Variants in TLCD3B observed in about 807,000 individuals in gnomAD.
TLCD3B encodes TLC domain containing 3B.
TLCD3B carries 9 observed loss-of-function variants against 23.0 expected under a neutral mutation model. The observed-to-expected ratio is 0.39, with a 90% CI of 0.24 to 0.68. The LOEUF (loss-of-function observed/expected upper bound fraction) is 0.68, where lower values mean the gene tolerates loss of function less well. Among genes scored for constraint, TLCD3B ranks in the 30% least tolerant of loss-of-function variants. The pLI is 0.44. For synonymous variants in TLCD3B, 161 were observed against 161.0 expected (o/e 1.00, Z 0.00); for missense variants, 307 against 371.8 (o/e 0.83, Z 1.43).
chr16:30,035,625 C>T (rs1017942734), upstream of TLCD3B: 3 of 653,864 alleles, frequency 4.6e-6, no homozygotes, highest in South Asian at 2.0e-5. Context: ...ACCAGGCAAA[C>T]CTCTTCTCTA....
chr16:30,034,817 G>A (rs2071435720), upstream of TLCD3B, among the ~76,000 whole-genome samples: 3 of 152,072 alleles, frequency 2.0e-5, no homozygotes, highest in Admixed American at 2.0e-4. Context: ...GGAAAGTGGG[G>A]TGTTATTATT....
chr16:30,024,697 T>C lies in TLCD3B; in HGVS notation c.*486A>G, dbSNP rs1017299634. The C allele has an allele frequency of 1.1e-5, 2 of 180,560 alleles. No homozygotes were observed. Among genetic ancestry groups the C allele is most frequent in the Non-Finnish European group, 2.3e-5 (2 of 87,732 alleles). 11.2% of individuals were successfully genotyped at this position (180,560 alleles called of 1,614,324 possible). On this transcript the variant is annotated 3_prime_UTR_variant, in exon 5 of 5. Coordinates refer to ENST00000380495, the MANE Select transcript of TLCD3B (RefSeq NM_031478.6). ...GGGTAAATAAATAAAATAAATAAGATTCCTCAAGCTGGCCTACCCTGGAGA... is the reference window on the plus strand; with the variant it reads ...GGGTAAATAAATAAAATAAATAAGACTCCTCAAGCTGGCCTACCCTGGAGA...
chr16:30,032,067 C>G (rs1038382940), upstream of TLCD3B, among the ~76,000 whole-genome samples: 3 of 152,186 alleles, frequency 2.0e-5, no homozygotes, highest in African/African-American at 7.2e-5. Flanking sequence ...TACTAGCTCC[C>G]CTTTCTCTGC....
chr16:30,037,304 A>G (rs1344998471), intron 3 of TLCD3B, among the ~76,000 whole-genome samples: 1 of 151,770 alleles, frequency 6.6e-6, no homozygotes, highest in African/African-American at 2.4e-5. Context: ...GCACTTTGGG[A>G]GGCCGAGGCG....
At chr16:30,036,091 C>T (rs2071467460), upstream of TLCD3B, 1 of 1,222,176 alleles carries the variant, frequency 8.2e-7, no homozygotes, top group African/African-American at 1.6e-5. Context: ...CACCATTTTC[C>T]ATCTTCTGCA....
At chr16:30,032,481 T>C (rs901696197), upstream of TLCD3B, among the ~76,000 whole-genome samples, 45 of 151,816 alleles carry the variant, frequency 3.0e-4, no homozygotes, top group Non-Finnish European at 1.9e-4. Context: ...GTAGAGACAA[T>C]AGCGGACCTA....
intron 2 of TLCD3B, among the ~76,000 whole-genome samples, chr16:30,045,944 A>G (rs2071667458): frequency 6.6e-6 from 1 of 151,952 alleles, no homozygotes; most frequent in Non-Finnish European, 1.5e-5. Flanking sequence ...CCTCCTCTCT[A>G]CAAAAAGTCA....
chr16:30,027,118 A>C, intron 2 of TLCD3B: 1 of 555,716 alleles, frequency 1.8e-6, no homozygotes, highest in Non-Finnish European at 3.4e-6. Flanking sequence ...AGACCAGAAG[A>C]TGCCCACAGA....
rs867541713 is a variant in TLCD3B at position 30,030,215 on chromosome 16, G to C, written c.125+188C>G. The C allele has an allele frequency of 1.5e-5, 19 of 1,252,032 alleles. 1 individual carries two copies. In the Middle Eastern group the frequency reaches 2.4e-3, roughly 159 times the overall value. The allele number at this position is 1,252,032 out of a possible 1,614,324, so 77.6% of individuals were successfully genotyped here. A position where few individuals can be genotyped will look rare whatever the true frequency, so the allele number is the denominator to read the frequency against. On this transcript the variant is annotated intron_variant, in intron 1 of 4. Transcript: ENST00000380495. ...ACTAGTAGACCAGATGGCCGGGCTGGATGAGGTCTCCCAGAACAGTGAGCA... is the reference window on the plus strand; with the variant it reads ...ACTAGTAGACCAGATGGCCGGGCTGCATGAGGTCTCCCAGAACAGTGAGCA...
chr16:30,043,378 C>T (rs748561774), intron 2 of TLCD3B, among the ~76,000 whole-genome samples: 2 of 152,012 alleles, frequency 1.3e-5, no homozygotes, highest in African/African-American at 2.4e-5. Context: ...CTCTCAGGCT[C>T]ATCACTACCA....
chr16:30,051,597 G>T (rs917340952), intron 1 of TLCD3B, among the ~76,000 whole-genome samples: 2 of 151,876 alleles, frequency 1.3e-5, no homozygotes, highest in African/African-American at 4.8e-5. Flanking sequence ...ATTCACCAAG[G>T]CTCCCAGGGC....
At chr16:30,033,039 T>C (rs1416816537), upstream of TLCD3B, 2 of 152,000 alleles carry the variant, frequency 1.3e-5, no homozygotes, top group African/African-American at 4.8e-5. Flanking sequence ...TGGCGAATCA[T>C]GAGATCGAGA....
chr16:30,047,468 C>A (rs772944952), intron 1 of TLCD3B, among the ~76,000 whole-genome samples: 2 of 152,084 alleles, frequency 1.3e-5, no homozygotes, highest in Admixed American at 6.6e-5. Flanking sequence ...ATTACAGGCA[C>A]GTGCCGCCAT....
intron 1 of TLCD3B, among the ~76,000 whole-genome samples, chr16:30,051,433 G>A (rs917309038): frequency 2.0e-5 from 3 of 146,368 alleles, no homozygotes; most frequent in African/African-American, 7.6e-5. Flanking sequence ...TGAGGCAGGA[G>A]AATTGCTTGA....
chr16:30,037,647 G>A (rs980009427), intron 3 of TLCD3B, among the ~76,000 whole-genome samples: 3 of 152,048 alleles, frequency 2.0e-5, no homozygotes, highest in African/African-American at 7.2e-5. Flanking sequence ...AGAATGGAAA[G>A]AATTGCTTGA....
Position 30,024,536 on chromosome 16 carries a change from C to CA in TLCD3B, c.*646dup. On this transcript the variant is annotated 3_prime_UTR_variant, in exon 5 of 5. Transcript: ENST00000380495. ...GAGGTCAGTAGCACCAGGGACATGG[C>CA]AGGGCCCGAGGGCGCGATGTGCAGC... is the stretch of plus-strand genomic sequence containing the variant. 1 of 451,928 alleles carries CA rather than the reference C, an allele frequency of 2.2e-6. No individual in the cohort carries two copies. 28.0% of individuals were successfully genotyped at this position (451,928 alleles called of 1,614,324 possible).
Position 30,025,599 on chromosome 16 carries a change from G to T in TLCD3B, c.540+127C>A. On this transcript the variant is annotated intron_variant, in intron 4 of 4. Coordinates refer to ENST00000380495, the MANE Select transcript of TLCD3B (RefSeq NM_031478.6). The surrounding 1 kb of genome is among the most constrained non-coding windows in gnomAD (Gnocchi z 4.1). ...CACTTTGCCAGGACACAAGCACCAGGTGCTCAAAATGCACGGGGTGAGGGG... is the reference window on the plus strand; with the variant it reads ...CACTTTGCCAGGACACAAGCACCAGTTGCTCAAAATGCACGGGGTGAGGGG... 6.7e-7 allele frequency: 1 copy of T among 1,486,040 alleles called. No individual in the cohort carries two copies. The highest frequency in any genetic ancestry group is 9.4e-7 in the Non-Finnish European group (1 of 1,067,292). 92.1% of individuals were successfully genotyped at this position (1,486,040 alleles called of 1,614,324 possible).
intron 3 of TLCD3B, among the ~76,000 whole-genome samples, chr16:30,038,066 A>G (rs932927863): frequency 1.3e-5 from 2 of 152,192 alleles, no homozygotes; most frequent in African/African-American, 4.8e-5. Flanking sequence ...CAGTGTATAC[A>G]TATGTAAACA....
intron 3 of TLCD3B, among the ~76,000 whole-genome samples, chr16:30,036,713 T>G (rs1257267743): frequency 6.6e-6 from 1 of 152,128 alleles, no homozygotes; most frequent in Non-Finnish European, 1.5e-5. Flanking sequence ...AATTGGCCAA[T>G]TAGAATCCAT....
Sources: allele counts gnomAD v4.1 joint callset (sites outside exome capture counted in the v4.1 genomes callset), GRCh38; gene constraint gnomAD v4.1.1; non-coding constraint Gnocchi (gnomAD v3.1); transcripts MANE v1.5; gene names NCBI Gene and HGNC (gene_info 2026-07-23, HGNC 2026-07-21).